The following GRM7 variants were observed in gnomAD, a reference collection of about 807,000 sequenced individuals.
GRM7 encodes the protein glutamate metabotropic receptor 7.
In GRM7, 35 loss-of-function variants were observed where a neutral mutation model predicts 84.5. The observed-to-expected ratio is 0.41, with a 90% confidence interval of 0.32 to 0.55. GRM7 has a LOEUF of 0.55. Ranked by LOEUF, GRM7 falls within the 20% of genes least tolerant of loss-of-function variation. The probability of loss-of-function intolerance (pLI) is 0.19; values close to 1 mark genes in which losing one functional copy is unlikely to be tolerated. For missense variants in GRM7, 1,003 were observed against 1,194.6 expected, an observed-to-expected ratio of 0.84 and a Z score of 2.36; for synonymous variants, 487 against 455.1, an observed-to-expected ratio of 1.07 and a Z score of -0.89.
chr3:7,118,639 A>G (rs1373236642), intron 1 of GRM7, among the ~76,000 whole-genome samples: 2 of 151,790 alleles, frequency 1.3e-5, no homozygotes, highest in African/African-American at 4.8e-5. Flanking sequence ...AAAGAAAGTA[A>G]TTAAAAACTG....
chr3:7,068,167 AG>A (rs1559418031), intron 1 of GRM7, among the ~76,000 whole-genome samples: 2 of 152,048 alleles, frequency 1.3e-5, no homozygotes, highest in Non-Finnish European at 2.9e-5. Flanking sequence ...TAAAATACTT[AG>A]AAGTGATTAC....
intron 1 of GRM7, among the ~76,000 whole-genome samples, chr3:7,111,729 G>A (rs769929818): frequency 6.6e-6 from 1 of 152,080 alleles, no homozygotes; most frequent in Non-Finnish European, 1.5e-5. Flanking sequence ...TCTATAGTAT[G>A]CATGCAGTAA....
intron 4 of GRM7, among the ~76,000 whole-genome samples, chr3:7,368,785 A>C (rs926814389): frequency 6.6e-6 from 1 of 152,148 alleles, no homozygotes; most frequent in Non-Finnish European, 1.5e-5. Flanking sequence ...CTCCTAGCCT[A>C]TACCATCAGG....
intron 8 of GRM7, chr3:7,607,940 G>A (rs1301040925): frequency 2.1e-5 from 4 of 190,994 alleles, no homozygotes; most frequent in African/African-American, 7.1e-5. Context: ...GTGTTCATAA[G>A]TTCTTATTAT....
chr3:6,970,931 A>G (rs1007800289), intron 1 of GRM7, among the ~76,000 whole-genome samples: 55 of 152,136 alleles, frequency 3.6e-4, no homozygotes, highest in Non-Finnish European at 6.0e-4. Flanking sequence ...GCAGTGAGCC[A>G]AGATCGTACG....
At chr3:7,360,931 T>A (rs1693634263) in intron 4 of GRM7, among the ~76,000 whole-genome samples, 1 of 152,106 alleles carries the variant, frequency 6.6e-6, no homozygotes, top group Admixed American at 6.6e-5. Context: ...CATTCATGTT[T>A]AATGACAGTC....
intron 1 of GRM7, among the ~76,000 whole-genome samples, chr3:6,977,824 G>A (rs574777178): frequency 1.6e-4 from 25 of 152,272 alleles, no homozygotes; most frequent in Middle Eastern, 3.4e-3. Flanking sequence ...TTTTAAAGTA[G>A]TCCTAACTGA....
At chr3:7,247,602 TAA>T (rs1223872815) in intron 2 of GRM7, among the ~76,000 whole-genome samples, 96 of 102,570 alleles carry the variant, frequency 9.4e-4, no homozygotes, top group African/African-American at 2.5e-3. Context: ...TCTTTTTTTT[TAA>T]AAAAAAAAAA....
chr3:7,637,723 A>G (rs753999634), intron 8 of GRM7, among the ~76,000 whole-genome samples: 2 of 152,174 alleles, frequency 1.3e-5, no homozygotes, highest in South Asian at 2.1e-4. Context: ...AACCTGAACA[A>G]TGGTGTTGCC....
intron 2 of GRM7, among the ~76,000 whole-genome samples, chr3:7,253,874 A>G (rs571823935): frequency 1.1e-3 from 172 of 152,242 alleles, no homozygotes; most frequent in African/African-American, 4.0e-3. Context: ...TTCAGAGTCA[A>G]TTGATGAGAT....
chr3:7,176,515 T>C (rs999907922), intron 2 of GRM7, among the ~76,000 whole-genome samples: 9 of 152,200 alleles, frequency 5.9e-5, no homozygotes, highest in Admixed American at 2.6e-4. Context: ...GCAGAAAATA[T>C]ACGCAATTGA....
At chr3:7,370,165 G>C (rs1440492796) in intron 4 of GRM7, among the ~76,000 whole-genome samples, 2 of 151,934 alleles carry the variant, frequency 1.3e-5, no homozygotes, top group Non-Finnish European at 2.9e-5. Flanking sequence ...GGTTTTTTTG[G>C]GTATCTGAAG....
intron 8 of GRM7, among the ~76,000 whole-genome samples, chr3:7,656,543 G>GCACACACACACACA (rs140409240): frequency 1.8e-3 from 217 of 119,960 alleles, no homozygotes; most frequent in South Asian, 4.6e-3. Context: ...ATATATACGC[G>GCACACACACACACA]CGCGCACACA....
chr3:7,579,936 C>G (rs544504396), intron 8 of GRM7, among the ~76,000 whole-genome samples: 18 of 152,296 alleles, frequency 1.2e-4, no homozygotes, highest in African/African-American at 3.8e-4. Flanking sequence ...CATAGGCTCC[C>G]TACAACTAGA....
intron 2 of GRM7, among the ~76,000 whole-genome samples, chr3:7,224,257 T>C (rs772531641): frequency 5.3e-5 from 8 of 152,198 alleles, no homozygotes; most frequent in Non-Finnish European, 7.3e-5. Context: ...ATATATTACA[T>C]GACCAGAGTC....
chr3:7,159,061 A>T (rs986373964), intron 2 of GRM7, among the ~76,000 whole-genome samples: 16 of 152,166 alleles, frequency 1.1e-4, no homozygotes, highest in Non-Finnish European at 1.8e-4. Context: ...TTCTGCCCAT[A>T]TATTAAAGGG....
Position 6,862,670 on chromosome 3 carries a change from C to G in GRM7, c.519+763C>G, listed in dbSNP as rs1039389788. ...CCACTCCTGCCACTTCAGACCTCAG[C>G]CCAGGGATGAGCTCACGCGAAACGA... On this transcript the variant is annotated intron_variant, in intron 1 of 9. Transcript: ENST00000357716. This position sits in a 1 kb window ranked among gnomAD's most constrained non-coding sequence, Gnocchi z 5.2. The G allele has an allele frequency of 4.2e-6, 1 of 239,236 alleles. No homozygotes were observed. The highest frequency in any genetic ancestry group is 7.8e-6 in the Non-Finnish European group (1 of 127,484). 14.8% of individuals were successfully genotyped at this position (239,236 alleles called of 1,614,324 possible).
intron 7 of GRM7, among the ~76,000 whole-genome samples, chr3:7,527,842 T>A (rs1383220515): frequency 6.6e-6 from 1 of 152,110 alleles, no homozygotes; most frequent in Non-Finnish European, 1.5e-5. Flanking sequence ...GACTTGTGTA[T>A]GTTGAAGTAA....
chr3:6,930,302 G>A (rs339022), intron 1 of GRM7, among the ~76,000 whole-genome samples: 43,528 of 151,950 alleles, frequency 0.29, 6,633 homozygotes, highest in South Asian at 0.36. Flanking sequence ...CAGGAAAAAT[G>A]TTATATCTGA....
Sources: gnomAD v4.1 joint callset for allele counts (sites outside exome capture counted in the v4.1 genomes callset) on GRCh38, gnomAD v4.1.1 for gene constraint, Gnocchi (gnomAD v3.1) non-coding constraint, MANE v1.5 for transcripts, NCBI Gene and HGNC (gene_info 2026-07-23, HGNC 2026-07-21) for gene names.